LAP3: variants seen among roughly 807,000 people sequenced by gnomAD.
The protein encoded by LAP3 is cytosol aminopeptidase.
Under a neutral mutation model 58.8 loss-of-function variants are expected in LAP3, and 46 were observed. The observed-to-expected ratio is 0.78, with a 90% CI of 0.62 to 1.00. The LOEUF (loss-of-function observed/expected upper bound fraction) is 1.00. Ranked by LOEUF, LAP3 falls within the 50% of genes least tolerant of loss-of-function variation. LAP3 has a pLI of 0.00. For synonymous variants in LAP3, 257 were observed against 237.7 expected, an observed-to-expected ratio of 1.08 and a Z score of -0.75; for missense variants, 615 against 659.1, an observed-to-expected ratio of 0.93 and a Z score of 0.73.
Position 17,597,104 on chromosome 4 carries a change from T to G in LAP3, c.1047T>G (p.Val349=). 6.2e-7 allele frequency: 1 copy of G among 1,614,200 alleles called. No homozygotes were observed. Among genetic ancestry groups the G allele is most frequent in the Non-Finnish European group, 8.5e-7 (1 of 1,180,028 alleles). Residue 349 remains valine, a synonymous_variant, in exon 9 of 13, where the codon GTT becomes GTG. Transcript: ENST00000226299. ...PSGKANKPGD[V]VRAKNGKTIQ... ...GCAAGGCCAACAAGCCGGGGGATGTTGTTAGAGCCAAAAACGGGAAGACCA... is the reference window on the plus strand; with the variant it reads ...GCAAGGCCAACAAGCCGGGGGATGTGGTTAGAGCCAAAAACGGGAAGACCA...
intron 10 of LAP3, among the ~76,000 whole-genome samples, chr4:17,602,094 T>C (rs1560348821): frequency 6.6e-6 from 1 of 152,194 alleles, no homozygotes; most frequent in Non-Finnish European, 1.5e-5. Flanking sequence ...GTGAAGACTA[T>C]AGATTGCCCC....
At chr4:17,588,530 A>C (rs1316318531) in intron 6 of LAP3, among the ~76,000 whole-genome samples, 1 of 152,216 alleles carries the variant, frequency 6.6e-6, no homozygotes, top group Non-Finnish European at 1.5e-5. Context: ...GTAGACTATT[A>C]GTTGACATTG....
At chr4:17,596,699 T>A (rs970534138) in intron 8 of LAP3, among the ~76,000 whole-genome samples, 35 of 152,202 alleles carry the variant, frequency 2.3e-4, no homozygotes, top group African/African-American at 8.4e-4. Context: ...TGGTGCCCCT[T>A]TAGATTTCTT....
chr4:17,593,102 C>A (rs927156343), intron 7 of LAP3, among the ~76,000 whole-genome samples: 16 of 152,232 alleles, frequency 1.1e-4, no homozygotes, highest in Non-Finnish European at 2.4e-4. Flanking sequence ...CCAGCCAAAG[C>A]TGGGCATTTT....
At position 17,577,246 on chromosome 4, in the gene LAP3, G is replaced by GCT; in HGVS notation, c.-219_-218insTC. 1 of 376,500 alleles carries GCT rather than the reference G, an allele frequency of 2.7e-6. No homozygotes were observed. The highest frequency in any genetic ancestry group is 4.3e-5 in the East Asian group (1 of 23,146). 23.3% of individuals were successfully genotyped at this position (376,500 alleles called of 1,614,324 possible). A position where few individuals can be genotyped will look rare whatever the true frequency, so the allele number is the denominator to read the frequency against. On this transcript the variant is annotated 5_prime_UTR_variant, in exon 1 of 13. The change creates a premature stop within an existing upstream ORF in the 5' untranslated region. Transcript: ENST00000226299. ...AATGCGGGCGCACACGAATGCGGGCGCACCCTTGAGTCCCCTCCACAACCG... is the reference window on the plus strand; with the variant it reads ...AATGCGGGCGCACACGAATGCGGGCGCTCACCCTTGAGTCCCCTCCACAACCG...
intron 11 of LAP3, among the ~76,000 whole-genome samples, chr4:17,605,122 A>G (rs1203231018): frequency 3.6e-5 from 1 of 27,468 alleles, no homozygotes; most frequent in African/African-American, 7.5e-5. Context: ...TCACTTCCAC[A>G]CACACACACA....
intron 1 of LAP3, among the ~76,000 whole-genome samples, chr4:17,578,571 A>T (rs1007422002): frequency 6.6e-6 from 1 of 152,172 alleles, no homozygotes; most frequent in Non-Finnish European, 1.5e-5. Flanking sequence ...TCCTGTCTCA[A>T]ACTAGGTTTC....
Position 17,581,774 on chromosome 4 carries a change from T to C in LAP3, c.233T>C (p.Leu78Pro). ...TCTTGTTTTAGATCTGGACCACCTC[T>C]GAAGGCAGGGAAGACTCGAACCTTT... Reference protein sequence around the residue: ...RETLNISGPPLKAGKTRTFYG... With the variant: ...RETLNISGPPPKAGKTRTFYG... Residue 78 changes from leucine (L) to proline (P), a missense_variant, in exon 3 of 13, where the codon CTG (leucine) becomes CCG (proline). By Grantham distance (98) the Leu-to-Pro change is moderately conservative (BLOSUM62 -3). Transcript: ENST00000226299. 6.2e-7 allele frequency: 1 copy of C among 1,613,916 alleles called. No individual in the cohort carries two copies. Among genetic ancestry groups the C allele is most frequent in the Non-Finnish European group, 8.5e-7 (1 of 1,179,850 alleles).
At chr4:17,588,435 G>A (rs978785063) in intron 6 of LAP3, among the ~76,000 whole-genome samples, 3 of 152,134 alleles carry the variant, frequency 2.0e-5, no homozygotes, top group East Asian at 1.9e-4. Flanking sequence ...ATGAGCCACC[G>A]CACCCGGCCT....
At chr4:17,581,577 TA>T (rs5856433) in intron 2 of LAP3, among the ~76,000 whole-genome samples, 182 bp from the exon 3 acceptor site, 2,556 of 147,774 alleles carry the variant, frequency 0.017, 57 homozygotes, top group South Asian at 0.072. Flanking sequence ...TGTCTCTATT[TA>T]AAAAAAAAAA....
chr4:17,593,253 A>G (rs1172020374), intron 7 of LAP3, among the ~76,000 whole-genome samples: 1 of 152,146 alleles, frequency 6.6e-6, no homozygotes, highest in African/African-American at 2.4e-5. Context: ...TTAGATTTTG[A>G]CGCTATGCTT....
intron 6 of LAP3, among the ~76,000 whole-genome samples, chr4:17,586,562 G>T (rs1359973381): frequency 6.6e-6 from 1 of 152,206 alleles, no homozygotes; most frequent in Non-Finnish European, 1.5e-5. Context: ...GCATGAAGTG[G>T]TCCTTGTCCT....
intron 11 of LAP3, among the ~76,000 whole-genome samples, chr4:17,605,654 A>C (rs1439728320): frequency 6.6e-6 from 1 of 152,138 alleles, no homozygotes; most frequent in African/African-American, 2.4e-5. Context: ...GTCATCATTC[A>C]CGAAGCCCAA....
chr4:17,579,704 C>G (rs539966042), intron 1 of LAP3, 120 bp from the exon 2 acceptor site: 83 of 557,310 alleles, frequency 1.5e-4, no homozygotes, highest in African/African-American at 1.5e-3. Flanking sequence ...TTTCTTCTGT[C>G]CATGGGGAGG....
rs1229413929 is a variant in LAP3 at position 17,577,259 on chromosome 4, C to T, written c.-207C>T. On this transcript the variant is annotated 5_prime_UTR_variant, in exon 1 of 13. Transcript: ENST00000226299. Reference sequence around the variant, plus strand: ...ACGAATGCGGGCGCACCCTTGAGTCCCCTCCACAACCGCGGTTTGATCCCA... The same window carrying T: ...ACGAATGCGGGCGCACCCTTGAGTCTCCTCCACAACCGCGGTTTGATCCCA... The T allele has an allele frequency of 1.2e-5, 2 of 160,496 alleles. No individual in the cohort carries two copies. Among genetic ancestry groups the T allele is most frequent in the Non-Finnish European group, 2.1e-5 (2 of 96,214 alleles). 9.9% of individuals were successfully genotyped at this position (160,496 alleles called of 1,614,324 possible). A position where few individuals can be genotyped will look rare whatever the true frequency, so the allele number is the denominator to read the frequency against.
intron 9 of LAP3, among the ~76,000 whole-genome samples, chr4:17,598,110 C>T (rs1560347409): frequency 2.0e-5 from 3 of 152,092 alleles, no homozygotes; most frequent in African/African-American, 7.2e-5. Context: ...ATTTTGGCTT[C>T]CAAAGTCATC....
intron 10 of LAP3, among the ~76,000 whole-genome samples, chr4:17,601,492 G>A (rs760227088): frequency 6.6e-5 from 10 of 152,114 alleles, no homozygotes; most frequent in Non-Finnish European, 1.3e-4. Flanking sequence ...TTAGGGGGTT[G>A]ACTGAAATAT....
chr4:17,597,277 T>C, intron 9 of LAP3, 143 bp downstream of exon 9: 3 of 699,284 alleles, frequency 4.3e-6, no homozygotes, highest in Non-Finnish European at 5.1e-6. Flanking sequence ...GTAGCCTTTC[T>C]TTTCCTTCCC....
Position 17,606,823 on chromosome 4 carries a change from C to G in LAP3, c.1261-6C>G. 1 of 1,604,150 alleles carries G rather than the reference C, an allele frequency of 6.2e-7. No individual in the cohort carries two copies. The highest frequency in any genetic ancestry group is 8.5e-7 in the Non-Finnish European group (1 of 1,173,678). On this transcript the variant is annotated splice_polypyrimidine_tract_variant and splice_region_variant and intron_variant, in intron 11 of 12. Coordinates refer to ENST00000226299, the MANE Select transcript of LAP3 (RefSeq NM_015907.3). ...CACTCTTCCACCTGTCATACCTGTT[C>G]TCTAGGCCAGCATTGAAACAGGGGA...
Sources: allele counts gnomAD v4.1 joint callset (sites outside exome capture counted in the v4.1 genomes callset), GRCh38; gene constraint gnomAD v4.1.1; transcripts MANE v1.5; gene names NCBI Gene and HGNC (gene_info 2026-07-23, HGNC 2026-07-21).